HECW1: variants seen among roughly 807,000 people sequenced by gnomAD.
HECW1 encodes the protein E3 ubiquitin-protein ligase HECW1.
A neutral mutation model predicts 182.3 loss-of-function variants in HECW1; 61 were observed. The observed-to-expected ratio is 0.33, with a 90% confidence interval of 0.27 to 0.41. The LOEUF (loss-of-function observed/expected upper bound fraction) is 0.41, where lower values mean the gene tolerates loss of function less well. HECW1 is among the 10% of genes least tolerant of loss of function. The pLI, the probability that HECW1 is intolerant of heterozygous loss-of-function variation, is 1.00. For missense variants in HECW1, 1,739 were observed against 2,108.9 expected, an observed-to-expected ratio of 0.82 and a Z score of 3.44; for synonymous variants, 859 against 832.6, an observed-to-expected ratio of 1.03 and a Z score of -0.55.
chr7:43,149,442 C>G (rs1789062849), intron 2 of HECW1, among the ~76,000 whole-genome samples: 1 of 152,130 alleles, frequency 6.6e-6, no homozygotes, highest in African/African-American at 2.4e-5. Context: ...TCCTGAGAGA[C>G]AAGGAAAGGC....
chr7:43,531,613 T>C (rs1213267173), intron 24 of HECW1, among the ~76,000 whole-genome samples: 4 of 152,090 alleles, frequency 2.6e-5, no homozygotes, highest in East Asian at 3.9e-4. Context: ...GCTGGCTTTC[T>C]CCACTGCCTC....
In HECW1 at chr7:43,112,823, T is replaced by C; in HGVS notation, c.-381T>C. The C allele has an allele frequency of 4.4e-6, 1 of 228,496 alleles. No homozygotes were observed. Among genetic ancestry groups the C allele is most frequent in the Non-Finnish European group, 8.7e-6 (1 of 115,090 alleles). 14.2% of individuals were successfully genotyped at this position (228,496 alleles called of 1,614,324 possible). A position where few individuals can be genotyped will look rare whatever the true frequency, so the allele number is the denominator to read the frequency against. On this transcript the variant is annotated 5_prime_UTR_variant, in exon 1 of 30. Transcript: ENST00000395891. ...CAGCGAGAGCGGGCGGTCGCCAGGG[T>C]CCCCTCCCCAGCCAGTCCCAGGCGC...
intron 17 of HECW1, among the ~76,000 whole-genome samples, chr7:43,488,378 GGAAGGAA>G (rs1563045019): frequency 9.3e-5 from 8 of 85,856 alleles, no homozygotes; most frequent in Non-Finnish European, 1.5e-4. Context: ...AAGGAAGGAA[GGAAGGAA>G]GGAAGGAAGG....
chr7:43,187,425 CTT>C (rs1239703860), intron 2 of HECW1, among the ~76,000 whole-genome samples: 3 of 152,250 alleles, frequency 2.0e-5, no homozygotes, highest in Non-Finnish European at 4.4e-5. Context: ...TTTTGGGTAA[CTT>C]AACTCATTTT....
chr7:43,274,587 A>G, intron 3 of HECW1: 1 of 463,830 alleles, frequency 2.2e-6, no homozygotes, highest in South Asian at 1.8e-5. Flanking sequence ...TTTTAGGTGC[A>G]GGTTCCTCGC....
chr7:43,304,735 A>T (rs1376623607), intron 3 of HECW1, among the ~76,000 whole-genome samples: 1 of 152,124 alleles, frequency 6.6e-6, no homozygotes, highest in East Asian at 1.9e-4. Context: ...CTCAGGTGAT[A>T]TGCCCGCCTT....
chr7:43,121,339 T>C (rs1163130794), intron 2 of HECW1, among the ~76,000 whole-genome samples: 3 of 152,212 alleles, frequency 2.0e-5, no homozygotes, highest in Admixed American at 2.0e-4. Context: ...TGTGAGCCTG[T>C]CAGTCCTGTG....
At chr7:43,415,095 C>T (rs2075945005) in intron 8 of HECW1, among the ~76,000 whole-genome samples, 2 of 149,826 alleles carry the variant, frequency 1.3e-5, no homozygotes, top group South Asian at 4.4e-4. Flanking sequence ...TTATTTTGCT[C>T]GTTAGTTGAT....
At position 43,552,286 on chromosome 7, in the gene HECW1, C is replaced by A; in HGVS notation, c.4460C>A (p.Thr1487Asn). ...ARELELVIAG[T>N]AEIDLNDWRN... is the part of the protein sequence containing the mutation. ...GAGCTGGAGCTGGTGATAGCTGGCACCGCGGAAATCGACCTAAATGACTGG... is the reference window on the plus strand; with the variant it reads ...GAGCTGGAGCTGGTGATAGCTGGCAACGCGGAAATCGACCTAAATGACTGG... The change falls in exon 28 of 30, where the codon ACC becomes AAC. Residue 1487 changes from threonine (T) to asparagine (N), a missense_variant. Thr to Asn is a moderately conservative substitution (Grantham distance 65). Transcript: ENST00000395891. 2 of 1,614,060 alleles carry A rather than the reference C, an allele frequency of 1.2e-6. No individual in the cohort carries two copies. The highest frequency in any genetic ancestry group is 1.7e-6 in the Non-Finnish European group (2 of 1,179,952).
intron 28 of HECW1, among the ~76,000 whole-genome samples, chr7:43,552,869 C>T (rs1418401386): frequency 6.6e-6 from 1 of 152,244 alleles, no homozygotes; most frequent in Non-Finnish European, 1.5e-5. Context: ...ACATGCCTTT[C>T]TCCAACTCCC....
chr7:43,393,924 C>G (rs2075133313), intron 6 of HECW1, among the ~76,000 whole-genome samples: 1 of 152,164 alleles, frequency 6.6e-6, no homozygotes, highest in African/African-American at 2.4e-5. Context: ...TGCACATACT[C>G]TAGACTTACG....
At chr7:43,121,828 C>G (rs1785650821) in intron 2 of HECW1, 1 of 152,298 alleles carries the variant, frequency 6.6e-6, no homozygotes, top group Non-Finnish European at 1.5e-5. Flanking sequence ...CTGAGCTCCT[C>G]TAGGTTAAGG....
chr7:43,517,554 A>G (rs2152935344), intron 24 of HECW1, among the ~76,000 whole-genome samples: 1 of 152,286 alleles, frequency 6.6e-6, no homozygotes, highest in African/African-American at 2.4e-5. Context: ...CACATTTTAA[A>G]TATCCCTTGC....
At chr7:43,538,794 A>G (rs2081267827) in intron 24 of HECW1, among the ~76,000 whole-genome samples, 1 of 152,238 alleles carries the variant, frequency 6.6e-6, no homozygotes, top group Non-Finnish European at 1.5e-5. Context: ...GATAAAAGTT[A>G]CTTCTAATCT....
rs765023043 is a variant in HECW1 at position 43,550,535 on chromosome 7, C to T, written c.4339C>T (p.Arg1447Trp). 6.2e-7 allele frequency: 1 copy of T among 1,612,460 alleles called. No individual in the cohort carries two copies. The highest frequency in any genetic ancestry group is 8.5e-7 in the Non-Finnish European group (1 of 1,179,310). The change falls in exon 27 of 30, where the codon CGG (arginine) becomes TGG (tryptophan). Residue 1447 changes from arginine to tryptophan, a missense_variant. Arg to Trp is a moderately radical substitution (Grantham distance 101). This residue lies in a region of HECW1 where 420 missense variants were observed against 595.7 expected (regional missense o/e 0.71). Coordinates refer to ENST00000395891, the MANE Select transcript of HECW1 (RefSeq NM_015052.5). ...GTACATCGAGCGCATGGTGAAGTGG[C>T]GGGTGGAGCGCGGCGTGGTACAGCA... ...KEYIERMVKW[R>W]VERGVVQQTE...
At chr7:43,344,898 G>GTAGTTTCAATCTTT (rs1239151891) in intron 5 of HECW1, among the ~76,000 whole-genome samples, 1 of 152,124 alleles carries the variant, frequency 6.6e-6, no homozygotes, top group Non-Finnish European at 1.5e-5. Flanking sequence ...TTCTTTGCTA[G>GTAGTTTCAATCTTT]TAGTTTCAAT....
intron 3 of HECW1, among the ~76,000 whole-genome samples, chr7:43,281,922 G>A (rs1426173292): frequency 2.6e-5 from 4 of 151,846 alleles, no homozygotes; most frequent in Admixed American, 2.0e-4. Flanking sequence ...GTCCTGCCCT[G>A]CATCCTTTAA....
At chr7:43,534,064 C>G (rs1019015766) in intron 24 of HECW1, among the ~76,000 whole-genome samples, 1 of 152,198 alleles carries the variant, frequency 6.6e-6, no homozygotes. Context: ...CCTACAGAGC[C>G]TTTTCAGACT....
At chr7:43,370,762 A>G (rs1339922913) in intron 6 of HECW1, among the ~76,000 whole-genome samples, 1 of 152,198 alleles carries the variant, frequency 6.6e-6, no homozygotes, top group Non-Finnish European at 1.5e-5. Context: ...AAGCCTACAT[A>G]ATTTCACAAT....
Sources: allele counts gnomAD v4.1 joint callset (sites outside exome capture counted in the v4.1 genomes callset), GRCh38; gene constraint gnomAD v4.1.1; regional missense constraint gnomAD v4.1.1; transcripts MANE v1.5; gene names NCBI Gene and HGNC (gene_info 2026-07-23, HGNC 2026-07-21).